The following SLC24A3 variants were observed in gnomAD, a reference collection of about 807,000 sequenced individuals.
The protein encoded by SLC24A3 is sodium/potassium/calcium exchanger 3.
A neutral mutation model predicts 75.8 loss-of-function variants in SLC24A3; 28 were observed. The ratio of observed to expected loss-of-function variants is 0.37; its 90% CI spans 0.27 to 0.51. The LOEUF is 0.51. Ranked by LOEUF, SLC24A3 falls within the 20% of genes least tolerant of loss-of-function variation. SLC24A3 has a pLI of 0.94. For missense variants in SLC24A3, 663 were observed against 847.8 expected (o/e 0.78, Z 2.71); for synonymous variants, 372 against 334.1 (o/e 1.11, Z -1.24).
chr20:19,537,204 A>G (rs2030414372), intron 3 of SLC24A3, among the ~76,000 whole-genome samples: 1 of 152,230 alleles, frequency 6.6e-6, no homozygotes, highest in Non-Finnish European at 1.5e-5. Context: ...ACCCCATCAA[A>G]AAGTGGGCGA....
intron 6 of SLC24A3, among the ~76,000 whole-genome samples, chr20:19,605,323 C>A (rs2031582932): frequency 9.2e-6 from 1 of 108,756 alleles, no homozygotes; most frequent in Non-Finnish European, 2.2e-5. Flanking sequence ...GTCCTTTCTC[C>A]TGTGATTTTT....
chr20:19,293,047 G>A (rs913054212), intron 2 of SLC24A3, among the ~76,000 whole-genome samples: 1 of 141,490 alleles, frequency 7.1e-6, no homozygotes, highest in Non-Finnish European at 1.6e-5. Flanking sequence ...TAGGAATTTA[G>A]CATGAGAATT....
chr20:19,379,561 A>G (rs1002490921), intron 2 of SLC24A3, among the ~76,000 whole-genome samples: 28 of 152,182 alleles, frequency 1.8e-4, no homozygotes, highest in African/African-American at 6.5e-4. Context: ...AGGACTGTCC[A>G]TGGGCCATGG....
rs530170477 is a variant in SLC24A3, at chr20:19,622,809, T to C, written c.613-31253T>C. ...AGTTCTGCAGGCTATACAAGAAGCA[T>C]GGCACCAGCATCTGCTTGTGGTGAG... is the stretch of plus-strand genomic sequence containing the variant. On this transcript the variant is annotated intron_variant, in intron 6 of 16. Coordinates refer to ENST00000328041, the MANE Select transcript of SLC24A3 (RefSeq NM_020689.4). Among the ~76,000 whole-genome samples the C allele has an allele frequency of 2.0e-5, 3 of 152,278 alleles. No individual in the cohort carries two copies. The East Asian group carries it at 5.8e-4, about 29-fold the overall frequency.
intron 2 of SLC24A3, among the ~76,000 whole-genome samples, chr20:19,285,539 G>C (rs1413863353): frequency 2.1e-5 from 3 of 141,282 alleles, no homozygotes; most frequent in African/African-American, 7.8e-5. Flanking sequence ...CCTAGTTTTG[G>C]TAGAAATTTG....
At chr20:19,671,780 G>C (rs980663282) in intron 8 of SLC24A3, among the ~76,000 whole-genome samples, 1 of 152,134 alleles carries the variant, frequency 6.6e-6, no homozygotes, top group Admixed American at 6.5e-5. Context: ...GAGGTGTGGT[G>C]TGGATGTGTA....
At chr20:19,217,017 A>G (rs936520182) in intron 1 of SLC24A3, among the ~76,000 whole-genome samples, 1 of 152,246 alleles carries the variant, frequency 6.6e-6, no homozygotes, top group Non-Finnish European at 1.5e-5. Context: ...GCTGCCAACC[A>G]GAACACCCAC....
Position 19,254,353 on chromosome 20 carries a change from C to T in SLC24A3, c.143-26606C>T, listed in dbSNP as rs376081853. ...GGAGAAGAGCTCATCTGTGGGGACG[C>T]GGCCTCCCCACGCTCACTACATTGC... On this transcript the variant is annotated intron_variant, in intron 1 of 16. Transcript: ENST00000328041. 2.0e-3 allele frequency among the ~76,000 whole-genome samples: 311 copies of T among 152,240 alleles called. 9 individuals carry two copies. The South Asian group carries it at 0.058, about 28-fold the overall frequency.
At chr20:19,274,112 T>A (rs55644204) in intron 1 of SLC24A3, among the ~76,000 whole-genome samples, 4 of 150,894 alleles carry the variant, frequency 2.7e-5, no homozygotes, top group Non-Finnish European at 5.9e-5. Flanking sequence ...TTCAATCTGG[T>A]TTTCCTCTTG....
At chr20:19,225,382 C>T (rs1981843999) in intron 1 of SLC24A3, among the ~76,000 whole-genome samples, 1 of 152,182 alleles carries the variant, frequency 6.6e-6, no homozygotes, top group Admixed American at 6.5e-5. Context: ...GGAAGAAAGT[C>T]ATTGTACCTA....
chr20:19,715,570 G>A (rs1568709189), intron 15 of SLC24A3, among the ~76,000 whole-genome samples: 1 of 152,148 alleles, frequency 6.6e-6, no homozygotes, highest in East Asian at 1.9e-4. Flanking sequence ...ATCCCTCTGT[G>A]ACAGGACATC....
chr20:19,523,495 A>G (rs991156616), intron 3 of SLC24A3, among the ~76,000 whole-genome samples: 9 of 152,240 alleles, frequency 5.9e-5, no homozygotes, highest in Non-Finnish European at 7.3e-5. Context: ...GATTTAAATC[A>G]CTGCCTCACC....
At chr20:19,701,615 C>G (rs576336774) in intron 15 of SLC24A3, among the ~76,000 whole-genome samples, 37 of 152,330 alleles carry the variant, frequency 2.4e-4, no homozygotes, top group African/African-American at 8.7e-4. Flanking sequence ...AATGAAGATA[C>G]TCCTCAGCCC....
chr20:19,373,870 G>A (rs1219214162), intron 2 of SLC24A3, among the ~76,000 whole-genome samples: 9 of 152,272 alleles, frequency 5.9e-5, no homozygotes, highest in Middle Eastern at 3.4e-3. Context: ...GGTGGGAGCA[G>A]GGTGGGCAGG....
At chr20:19,312,321 C>CT (rs1984476944) in intron 2 of SLC24A3, among the ~76,000 whole-genome samples, 1 of 152,124 alleles carries the variant, frequency 6.6e-6, no homozygotes, top group African/African-American at 2.4e-5. Flanking sequence ...TTCCAGGGAA[C>CT]TGGTCAAAGC....
chr20:19,657,023 A>C (rs1217609905), intron 7 of SLC24A3, among the ~76,000 whole-genome samples: 6 of 152,222 alleles, frequency 3.9e-5, no homozygotes, highest in African/African-American at 1.4e-4. Context: ...AGGGTGCAGC[A>C]TATAAACCCC....
chr20:19,427,742 T>C (rs1423600149), intron 2 of SLC24A3, among the ~76,000 whole-genome samples: 1 of 151,992 alleles, frequency 6.6e-6, no homozygotes, highest in African/African-American at 2.4e-5. Context: ...TGGAAAAAAG[T>C]ATTTGCTGGA....
intron 2 of SLC24A3, among the ~76,000 whole-genome samples, chr20:19,323,477 G>A (rs1984764209): frequency 6.6e-6 from 1 of 152,078 alleles, no homozygotes; most frequent in Admixed American, 6.5e-5. Flanking sequence ...TTATATTTAA[G>A]ATATTTTAAA....
At chr20:19,662,593 T>C (rs183795874) in intron 7 of SLC24A3, among the ~76,000 whole-genome samples, 62 of 152,364 alleles carry the variant, frequency 4.1e-4, no homozygotes, top group East Asian at 1.5e-3. Context: ...TTAGTGGTCA[T>C]TTGCAGGAAC....
Sources: gnomAD v4.1 joint callset for allele counts (sites outside exome capture counted in the v4.1 genomes callset) on GRCh38, gnomAD v4.1.1 for gene constraint, MANE v1.5 for transcripts, NCBI Gene and HGNC (gene_info 2026-07-23, HGNC 2026-07-21) for gene names.